The following MALRD1 variants were observed in gnomAD, a reference collection of about 807,000 sequenced individuals.
The protein encoded by MALRD1 is MAM and LDL receptor class A domain containing 1, also known as MAM and LDL-receptor class A domain-containing protein 1.
Under a neutral mutation model 242.1 loss-of-function variants are expected in MALRD1, and 247 were observed. The observed-to-expected ratio is 1.02, with a 90% CI of 0.92 to 1.13. MALRD1 has a LOEUF of 1.13. Ranked by LOEUF, MALRD1 falls within the 50% of genes most tolerant of loss-of-function variation. The pLI, the probability that MALRD1 is intolerant of heterozygous loss-of-function variation, is 0.00. For missense variants in MALRD1, 2,989 were observed against 2,533.1 expected (o/e 1.18, Z -3.86); for synonymous variants, 995 against 866.6 (o/e 1.15, Z -2.60).
intron 28 of MALRD1, among the ~76,000 whole-genome samples, chr10:19,402,110 T>C (rs143161516): frequency 6.6e-6 from 1 of 152,292 alleles, no homozygotes; most frequent in African/African-American, 2.4e-5. Flanking sequence ...ATGCATGTTA[T>C]ACCCTCTACT....
intron 21 of MALRD1, among the ~76,000 whole-genome samples, chr10:19,292,621 G>A (rs565343058): frequency 2.0e-5 from 3 of 152,154 alleles, no homozygotes; most frequent in Non-Finnish European, 4.4e-5. Context: ...GGCCGGGCGG[G>A]GTGGTTCACG....
intron 14 of MALRD1, among the ~76,000 whole-genome samples, chr10:19,179,794 A>T (rs1253016786): frequency 1.3e-5 from 2 of 152,206 alleles, no homozygotes; most frequent in Non-Finnish European, 2.9e-5. Context: ...TGTTATTTCA[A>T]ATGATAGTGT....
At chr10:19,349,931 C>A (rs966358803) in intron 25 of MALRD1, among the ~76,000 whole-genome samples, 1 of 152,046 alleles carries the variant, frequency 6.6e-6, no homozygotes, top group Admixed American at 6.6e-5. Flanking sequence ...ATGTTTTAAA[C>A]ATCTGTGTGA....
intron 14 of MALRD1, among the ~76,000 whole-genome samples, chr10:19,186,394 C>G (rs1399550906): frequency 6.6e-6 from 1 of 152,156 alleles, no homozygotes; most frequent in Non-Finnish European, 1.5e-5. Context: ...ATGGAAGTCA[C>G]TGATCTCCGA....
chr10:19,366,740 A>G (rs1402945336), intron 26 of MALRD1, among the ~76,000 whole-genome samples: 10 of 152,164 alleles, frequency 6.6e-5, no homozygotes, highest in African/African-American at 2.4e-4. Flanking sequence ...ATGTATATAC[A>G]CATCTCCTTG....
At chr10:19,388,951 C>CAGCT (rs1308552584) in intron 27 of MALRD1, among the ~76,000 whole-genome samples, 3 of 151,002 alleles carry the variant, frequency 2.0e-5, no homozygotes, top group African/African-American at 7.3e-5. Context: ...TTCAAACACT[C>CAGCT]AGCTCTACAT....
At position 19,646,156 on chromosome 10, in the gene MALRD1, G is replaced by A. The variant is rs554730285; in HGVS notation, c.6137+30233G>A. The stretch of plus-strand genomic sequence containing the variant: ...TTATTTTCTCTGAGACTACCCAAAG[G>A]TTAGCATTTCCTTTGCAGCAGTTCA... On this transcript the variant is annotated intron_variant, in intron 36 of 39. Coordinates refer to ENST00000454679, the MANE Select transcript of MALRD1 (RefSeq NM_001142308.3). 2.0e-5 allele frequency among the ~76,000 whole-genome samples: 3 copies of A among 152,204 alleles called. 1 individual carries two copies. The South Asian group carries it at 6.2e-4, about 32-fold the overall frequency.
At chr10:19,450,259 T>A (rs919302487) in intron 28 of MALRD1, 48 bp from the exon 29 acceptor site, 6 of 1,485,664 alleles carry the variant, frequency 4.0e-6, no homozygotes, top group Non-Finnish European at 4.5e-6. Flanking sequence ...CTGCATCATC[T>A]TCTTTTGTGT....
chr10:19,302,178 A>G (rs1319861271), intron 21 of MALRD1, among the ~76,000 whole-genome samples: 2 of 151,844 alleles, frequency 1.3e-5, no homozygotes, highest in African/African-American at 4.8e-5. Flanking sequence ...ATGTAAAATT[A>G]TACAGGCAAC....
chr10:19,543,872 C>T (rs114479631), intron 32 of MALRD1, among the ~76,000 whole-genome samples: 2,828 of 152,218 alleles, frequency 0.019, 69 homozygotes, highest in East Asian at 0.058. Flanking sequence ...GGTTTCCATC[C>T]TCAAGCCTGG....
chr10:19,392,758 T>C (rs1190728478), intron 28 of MALRD1, among the ~76,000 whole-genome samples: 16 of 152,202 alleles, frequency 1.1e-4, no homozygotes, highest in African/African-American at 3.4e-4. Context: ...GAAGTTTGCT[T>C]TAGTTATAAA....
chr10:19,300,400 T>G (rs1357863550), intron 21 of MALRD1, among the ~76,000 whole-genome samples: 6 of 151,988 alleles, frequency 3.9e-5, no homozygotes, highest in African/African-American at 1.2e-4. Flanking sequence ...AGAGCCTGAA[T>G]AGCAAGAGCA....
At chr10:19,613,822 A>G (rs1201775718) in intron 35 of MALRD1, among the ~76,000 whole-genome samples, 1 of 152,054 alleles carries the variant, frequency 6.6e-6, no homozygotes, top group Non-Finnish European at 1.5e-5. Context: ...TTCCTCAAAC[A>G]TGCAACACCC....
intron 21 of MALRD1, among the ~76,000 whole-genome samples, chr10:19,286,451 G>T (rs1374991256): frequency 1.7e-3 from 263 of 152,026 alleles, no homozygotes; most frequent in African/African-American, 6.1e-3. Flanking sequence ...TTATTGAGAG[G>T]TTTTAGCATG....
At chr10:19,500,546 A>C (rs1264098354) in intron 31 of MALRD1, among the ~76,000 whole-genome samples, 1 of 152,242 alleles carries the variant, frequency 6.6e-6, no homozygotes, top group Non-Finnish European at 1.5e-5. Context: ...CTTTGCAAGA[A>C]AACAGAGAGT....
intron 28 of MALRD1, among the ~76,000 whole-genome samples, chr10:19,432,847 T>C (rs1834196149): frequency 1.3e-5 from 2 of 152,222 alleles, no homozygotes; most frequent in African/African-American, 4.8e-5. Flanking sequence ...CCCCCAAACT[T>C]GCAATATCCA....
intron 24 of MALRD1, among the ~76,000 whole-genome samples, chr10:19,333,149 A>C (rs1843461763): frequency 6.6e-6 from 1 of 152,166 alleles, no homozygotes; most frequent in Admixed American, 6.6e-5. Context: ...TTAAAAAAAA[A>C]AAATTATTTC....
At chr10:19,391,380 T>C (rs937659962) in intron 28 of MALRD1, among the ~76,000 whole-genome samples, 1 of 152,192 alleles carries the variant, frequency 6.6e-6, no homozygotes, top group Admixed American at 6.5e-5. Context: ...ATATGTATTT[T>C]CAACCAGCCT....
At chr10:19,220,718 G>A (rs1477778517) in intron 18 of MALRD1, among the ~76,000 whole-genome samples, 1 of 152,136 alleles carries the variant, frequency 6.6e-6, no homozygotes, top group Non-Finnish European at 1.5e-5. Context: ...ACACTGACAG[G>A]AAATGTTTTC....
Sources: allele counts gnomAD v4.1 joint callset (sites outside exome capture counted in the v4.1 genomes callset), GRCh38; gene constraint gnomAD v4.1.1; transcripts MANE v1.5; gene names NCBI Gene and HGNC (gene_info 2026-07-23, HGNC 2026-07-21).